The following LRP5 variants were observed in gnomAD, a reference collection of about 807,000 sequenced individuals.
LRP5 encodes the protein low-density lipoprotein receptor-related protein 5.
A neutral mutation model predicts 154.1 loss-of-function variants in LRP5; 62 were observed. The ratio of observed to expected loss-of-function variants is 0.40; its 90% confidence interval spans 0.33 to 0.50. LRP5 has a LOEUF of 0.50. Ranked by LOEUF, LRP5 falls within the 20% of genes least tolerant of loss-of-function variation. The probability of loss-of-function intolerance (pLI) is 0.55; values close to 1 mark genes in which losing one functional copy is unlikely to be tolerated. For synonymous variants in LRP5, 966 were observed against 1,011.5 expected, an observed-to-expected ratio of 0.96 and a Z score of 0.85; for missense variants, 1,915 against 2,336.7, an observed-to-expected ratio of 0.82 and a Z score of 3.72.
chr11:68,397,330 T>G (rs1303250204), intron 7 of LRP5, among the ~76,000 whole-genome samples: 1 of 152,182 alleles, frequency 6.6e-6, no homozygotes, highest in Non-Finnish European at 1.5e-5. Context: ...TGGCAGGGTC[T>G]GGCATCTCTG....
At position 68,423,818 on chromosome 11, in the gene LRP5, C is replaced by G. The variant is rs940861264; in HGVS notation, c.3236+121C>G. 14 of 935,264 alleles carry G rather than the reference C, an allele frequency of 1.5e-5. No individual in the cohort carries two copies. Among genetic ancestry groups the G allele is most frequent in the Non-Finnish European group, 2.1e-5 (13 of 624,656 alleles). 57.9% of individuals were successfully genotyped at this position (935,264 alleles called of 1,614,324 possible). The stretch of plus-strand genomic sequence containing the variant: ...TCCACCCTGGGGATCCAATGGGTGG[C>G]TTTCCAGGGTCCCAAAAGCAAACAC... On this transcript the variant is annotated intron_variant, in intron 14 of 22. Transcript: ENST00000294304. The surrounding 1 kb of genome is among the most constrained non-coding windows in gnomAD (Gnocchi z 4.7).
At chr11:68,323,925 C>G (rs1048218867) in intron 1 of LRP5, among the ~76,000 whole-genome samples, 1 of 152,208 alleles carries the variant, frequency 6.6e-6, no homozygotes, top group African/African-American at 2.4e-5. Context: ...TGTGCCTCCC[C>G]GCAGCCGCCT....
Position 68,447,438 on chromosome 11 carries a change from C to T in LRP5, c.4586+905C>T, listed in dbSNP as rs999118153. Among the ~76,000 whole-genome samples the T allele has an allele frequency of 2.6e-5, 4 of 152,098 alleles. No individual in the cohort carries two copies. Among genetic ancestry groups the T allele is most frequent in the Non-Finnish European group, 5.9e-5 (4 of 68,010 alleles). Reference sequence around the variant, plus strand: ...GAACTCCCAGGCCTGGCTGGGGAGCCGGAACTGCAGCCTCCATTTCCACCC... The same window carrying T: ...GAACTCCCAGGCCTGGCTGGGGAGCTGGAACTGCAGCCTCCATTTCCACCC... On this transcript the variant is annotated intron_variant, in intron 22 of 22. Transcript: ENST00000294304. The surrounding 1 kb of genome is among the most constrained non-coding windows in gnomAD (Gnocchi z 4.3).
At chr11:68,405,023 G>A (rs1382404785) in intron 8 of LRP5, among the ~76,000 whole-genome samples, 3 of 151,766 alleles carry the variant, frequency 2.0e-5, no homozygotes, top group Non-Finnish European at 2.9e-5. Context: ...GTCTGGGTGT[G>A]GTATCACGCG....
At chr11:68,434,380 TCA>T (rs1202634509) in intron 18 of LRP5, among the ~76,000 whole-genome samples, 30 of 151,920 alleles carry the variant, frequency 2.0e-4, no homozygotes, top group African/African-American at 5.8e-4. Context: ...ATTCATTCAT[TCA>T]TTCATTCATT....
intron 1 of LRP5, among the ~76,000 whole-genome samples, chr11:68,320,487 G>T (rs1314899063): frequency 7.3e-6 from 1 of 137,712 alleles, no homozygotes; most frequent in East Asian, 2.1e-4. Context: ...ACAGAGTCTC[G>T]CTGTGTCCTC....
intron 1 of LRP5, among the ~76,000 whole-genome samples, chr11:68,341,638 C>A (rs578169431): frequency 2.0e-5 from 3 of 152,204 alleles, no homozygotes; most frequent in East Asian, 3.9e-4. Flanking sequence ...AGAGGACCAG[C>A]ACCCGCCATG....
chr11:68,445,579 G>C, intron 21 of LRP5: 2 of 1,315,030 alleles, frequency 1.5e-6, no homozygotes, highest in Non-Finnish European at 2.0e-6. Flanking sequence ...GCAGGGGCTC[G>C]GATCTGGCTG....
In LRP5 at chr11:68,425,266, A is replaced by G. The variant is rs1468117585; in HGVS notation, c.3401A>G (p.Lys1134Arg). 5 of 1,610,248 alleles carry G rather than the reference A, an allele frequency of 3.1e-6. No homozygotes were observed. The highest frequency in any genetic ancestry group is 4.2e-6 in the Non-Finnish European group (5 of 1,179,964). ...GKLFWVDADLKRIESCDLSGA... is the reference protein window; with the variant it reads ...GKLFWVDADLRRIESCDLSGA... ...CTGTTCTGGGTGGACGCGGACCTGA[A>G]GCGCATTGAGAGCTGTGACCTGTCA... The change falls in exon 15 of 23, where the codon AAG (lysine) becomes AGG (arginine). Residue 1134 changes from lysine (K) to arginine (R), a missense_variant. Lys to Arg is a conservative substitution (Grantham distance 26). Coordinates refer to ENST00000294304, the MANE Select transcript of LRP5 (RefSeq NM_002335.4).
At chr11:68,411,366 C>A in intron 10 of LRP5, 70 bp from the exon 11 acceptor site, 1 of 1,544,742 alleles carries the variant, frequency 6.5e-7, no homozygotes, top group Non-Finnish European at 8.8e-7. Flanking sequence ...CAGTTGCGTC[C>A]CCCCGCCACC....
In LRP5 at chr11:68,423,443, G is replaced by C; in HGVS notation, c.3028-46G>C. The C allele has an allele frequency of 1.3e-6, 2 of 1,576,948 alleles. No homozygotes were observed. The highest frequency in any genetic ancestry group is 1.7e-6 in the Non-Finnish European group (2 of 1,146,394). ...TGCCAGGGGTCTCCGCCAGTGCCCA[G>C]GGGTCTCCGCCAGTGCTCAGGAGTC... is the stretch of plus-strand genomic sequence containing the variant. On this transcript the variant is annotated intron_variant, in intron 13 of 22. Coordinates refer to ENST00000294304, the MANE Select transcript of LRP5 (RefSeq NM_002335.4). The surrounding 1 kb of genome is among the most constrained non-coding windows in gnomAD (Gnocchi z 4.7).
intron 2 of LRP5, among the ~76,000 whole-genome samples, chr11:68,349,547 G>A (rs2098616534): frequency 6.6e-6 from 1 of 152,226 alleles, no homozygotes; most frequent in Non-Finnish European, 1.5e-5. Context: ...CCTGCTGGGA[G>A]TGGTTCTCGG....
rs767699531 is a variant in LRP5, at chr11:68,436,972, A to G, written c.4084A>G (p.Ile1362Val). Residue 1362 changes from isoleucine to valine, a missense_variant, in exon 19 of 23, where the codon ATC (isoleucine) becomes GTC (valine). Around this residue, in one of 3 missense-constraint regions of LRP5, gnomAD observed 1,094 missense variants for 1,210.1 expected, o/e 0.90. Transcript: ENST00000294304. ...KQQCDSFPDC[I>V]DGSDELMCEI... ...GCAGTGCGACTCCTTCCCCGACTGT[A>G]TCGACGGCTCCGACGAGCTCATGTG... The G allele has an allele frequency of 5.0e-6, 8 of 1,613,676 alleles. No individual in the cohort carries two copies. The East Asian group carries it at 8.9e-5, about 18-fold the overall frequency.
At chr11:68,446,922 C>G (rs1420110806) in intron 22 of LRP5, 1 of 349,334 alleles carries the variant, frequency 2.9e-6, no homozygotes, top group Non-Finnish European at 5.6e-6. Context: ...GCTCTGTCCT[C>G]TTAGGATGGG....
chr11:68,319,038 G>C (rs1411657872), intron 1 of LRP5, among the ~76,000 whole-genome samples: 1 of 150,168 alleles, frequency 6.7e-6, no homozygotes, highest in Non-Finnish European at 1.5e-5. Flanking sequence ...CGCTGCTTCT[G>C]TGCCCTCCCT....
intron 12 of LRP5, among the ~76,000 whole-genome samples, chr11:68,415,409 C>T (rs2098661997): frequency 6.6e-6 from 1 of 152,220 alleles, no homozygotes; most frequent in Non-Finnish European, 1.5e-5. Context: ...CCAGTGTTCA[C>T]TACCATTACC....
At chr11:68,325,366 A>C (rs2098599052) in intron 1 of LRP5, among the ~76,000 whole-genome samples, 1 of 152,146 alleles carries the variant, frequency 6.6e-6, no homozygotes, top group Admixed American at 6.5e-5. Flanking sequence ...GGATGCACTC[A>C]GTCGAAGTGC....
chr11:68,330,439 G>T (rs1056673267), intron 1 of LRP5, among the ~76,000 whole-genome samples: 7 of 152,212 alleles, frequency 4.6e-5, no homozygotes, highest in Non-Finnish European at 8.8e-5. Context: ...TGGAAGAGGC[G>T]ATTTGCTTCT....
At chr11:68,421,812 T>TGC (rs2098665960) in intron 13 of LRP5, among the ~76,000 whole-genome samples, 1 of 148,812 alleles carries the variant, frequency 6.7e-6, no homozygotes, top group Admixed American at 6.7e-5. Flanking sequence ...TGTGTGTGTG[T>TGC]GCGCGTGTGT....
Sources: gnomAD v4.1 joint callset for allele counts (sites outside exome capture counted in the v4.1 genomes callset) on GRCh38, gnomAD v4.1.1 for gene constraint, gnomAD v4.1.1 regional missense constraint, Gnocchi (gnomAD v3.1) non-coding constraint, MANE v1.5 for transcripts, NCBI Gene and HGNC (gene_info 2026-07-23, HGNC 2026-07-21) for gene names.